The following CCDC3 variants were observed in gnomAD, a reference collection of about 807,000 sequenced individuals.
The protein encoded by CCDC3 is coiled-coil domain containing 3.
In CCDC3, 24 loss-of-function variants were observed where a neutral mutation model predicts 21.4. That is an observed-to-expected ratio of 1.12 (90% confidence interval 0.81 to 1.58). The LOEUF (loss-of-function observed/expected upper bound fraction) is 1.58, where lower values mean the gene tolerates loss of function less well. Among genes scored for constraint, CCDC3 ranks in the 40% most tolerant of loss-of-function variants. The pLI, the probability that CCDC3 is intolerant of heterozygous loss-of-function variation, is 0.00. For missense variants in CCDC3, 425 were observed against 360.9 expected, an observed-to-expected ratio of 1.18 and a Z score of -1.44; for synonymous variants, 186 against 166.0, an observed-to-expected ratio of 1.12 and a Z score of -0.93.
rs192946721 is a variant in CCDC3, at chr10:13,048,265, C to T, written c.-2+1409G>A. 2.5e-3 allele frequency among the ~76,000 whole-genome samples: 383 copies of T among 152,220 alleles called. 2 individuals carry two copies. The highest frequency in any genetic ancestry group is 8.8e-3 in the African/African-American group (366 of 41,534). On this transcript the variant is annotated intron_variant, in intron 5 of 6. Coordinates refer to the CCDC3 transcript ENST00000378839. ...GGAGTGCAGTGGCGCGATCTCAGCT[C>T]ACTGCAGCCTCTGCCTCCCAGGTTC... is the stretch of plus-strand genomic sequence containing the variant.
intron 2 of CCDC3, among the ~76,000 whole-genome samples, chr10:12,981,647 C>T (rs1420808276): frequency 2.6e-5 from 4 of 152,136 alleles, no homozygotes; most frequent in African/African-American, 9.7e-5. Flanking sequence ...AGAACTTTCT[C>T]CTGCTGACTG....
At chr10:13,015,621 G>A (rs1328084115) in intron 5 of CCDC3, among the ~76,000 whole-genome samples, 1 of 151,980 alleles carries the variant, frequency 6.6e-6, no homozygotes, top group Non-Finnish European at 1.5e-5. Flanking sequence ...GCTGCAATTC[G>A]GACCCATTAA....
intron 4 of CCDC3, among the ~76,000 whole-genome samples, chr10:13,057,323 G>A (rs1044264409): frequency 8.6e-5 from 13 of 151,910 alleles, no homozygotes; most frequent in Non-Finnish European, 1.5e-4. Flanking sequence ...AAAATAATGA[G>A]GGGACAAGAA....
At chr10:12,941,396 T>A (rs1775990376) in intron 2 of CCDC3, among the ~76,000 whole-genome samples, 2 of 152,342 alleles carry the variant, frequency 1.3e-5, no homozygotes, top group East Asian at 1.9e-4. Context: ...TCTTGTACTT[T>A]CTTTCATTTT....
At chr10:12,964,053 T>C (rs1177376521) in intron 2 of CCDC3, among the ~76,000 whole-genome samples, 1 of 152,084 alleles carries the variant, frequency 6.6e-6, no homozygotes, top group Non-Finnish European at 1.5e-5. Context: ...TTGCTGGTTG[T>C]GGAGAGGGAG....
rs1834009410 is a variant in CCDC3 at position 12,896,873 on chromosome 10, T to C, written c.*1543A>G. 6.6e-6 allele frequency: 1 copy of C among 152,136 alleles called. No individual in the cohort carries two copies. Among genetic ancestry groups the C allele is most frequent in the African/African-American group, 2.4e-5 (1 of 41,268 alleles). The allele number at this position is 152,136 out of a possible 1,614,324, so 9.4% of individuals were successfully genotyped here. A position where few individuals can be genotyped will look rare whatever the true frequency, so the allele number is the denominator to read the frequency against. On this transcript the variant is annotated 3_prime_UTR_variant, in exon 3 of 3. Transcript: ENST00000378825. ...GGTGGCAGAAGCTTGGCCGTGTGAG[T>C]GCCCCAGGGTAAAAGTCTCTCTTCT...
chr10:13,006,619 AG>A (rs1835926902), upstream of CCDC3, among the ~76,000 whole-genome samples: 1 of 152,194 alleles, frequency 6.6e-6, no homozygotes, highest in Admixed American at 6.5e-5. Context: ...CAACAATAAA[AG>A]CCATCACCCA....
At chr10:12,946,942 C>G (rs11258073) in intron 2 of CCDC3, among the ~76,000 whole-genome samples, 3 of 151,978 alleles carry the variant, frequency 2.0e-5, no homozygotes, top group Non-Finnish European at 4.4e-5. Context: ...AGGATGGAAG[C>G]CAAGAAGAAA....
chr10:12,960,899 A>C (rs1835170174), intron 2 of CCDC3, among the ~76,000 whole-genome samples: 1 of 152,114 alleles, frequency 6.6e-6, no homozygotes, highest in African/African-American at 2.4e-5. Flanking sequence ...TTCTGCACAA[A>C]CGTAGGGATG....
At position 13,025,882 on chromosome 10, in the gene CCDC3, T is replaced by TCTTTTTTAAAAAA. The variant is rs1564324631; in HGVS notation, c.-2+23779_-2+23791dup. On this transcript the variant is annotated intron_variant, in intron 5 of 6. Transcript: ENST00000378839. ...ATATCATCCCTCTTCCTGACAAATATCTTTTTTAAAAAACTCACCCGGGCA... is the reference window on the plus strand; with the variant it reads ...ATATCATCCCTCTTCCTGACAAATATCTTTTTTAAAAAACTTTTTTAAAAAACTCACCCGGGCA... Among the ~76,000 whole-genome samples the TCTTTTTTAAAAAA allele has an allele frequency of 2.6e-5, 4 of 152,268 alleles. No homozygotes were observed. In the East Asian group the frequency reaches 7.7e-4, roughly 29 times the overall value.
chr10:13,068,935 G>T (rs544922323), intron 4 of CCDC3, among the ~76,000 whole-genome samples: 2 of 152,336 alleles, frequency 1.3e-5, no homozygotes, highest in South Asian at 4.1e-4. Flanking sequence ...AAAGCTGAAG[G>T]TTTAATCAAA....
intron 2 of CCDC3, among the ~76,000 whole-genome samples, chr10:12,973,000 T>C (rs915482146): frequency 6.6e-6 from 1 of 152,142 alleles, no homozygotes; most frequent in Non-Finnish European, 1.5e-5. Context: ...TGTTTCCTCA[T>C]CTGCAAAATG....
chr10:12,955,900 G>A (rs1366853051), intron 2 of CCDC3, among the ~76,000 whole-genome samples: 2 of 152,088 alleles, frequency 1.3e-5, no homozygotes, highest in East Asian at 3.9e-4. Context: ...GTAGAGATGG[G>A]TTTCACCATG....
chr10:12,944,113 C>T (rs965945741), intron 2 of CCDC3, among the ~76,000 whole-genome samples: 2 of 152,170 alleles, frequency 1.3e-5, no homozygotes, highest in Non-Finnish European at 2.9e-5. Context: ...TGACAGATAA[C>T]AGGCCCTGAA....
chr10:12,907,224 C>T (rs1456403948), intron 2 of CCDC3, among the ~76,000 whole-genome samples: 1 of 152,194 alleles, frequency 6.6e-6, no homozygotes, highest in African/African-American at 2.4e-5. Flanking sequence ...TGAAGGGATG[C>T]AGGTTGAAAT....
chr10:13,058,264 C>G, intron 4 of CCDC3: 1 of 1,377,564 alleles, frequency 7.3e-7, no homozygotes, highest in Non-Finnish European at 1.0e-6. Context: ...AGGCACCTGG[C>G]TGACCATCAA....
chr10:13,078,660 C>A (rs1473129464), intron 3 of CCDC3, among the ~76,000 whole-genome samples: 4 of 152,214 alleles, frequency 2.6e-5, no homozygotes, highest in Admixed American at 2.6e-4. Flanking sequence ...CACATATACA[C>A]CCTGGAATAC....
chr10:12,993,492 T>G (rs1835708912), intron 2 of CCDC3, among the ~76,000 whole-genome samples: 1 of 152,206 alleles, frequency 6.6e-6, no homozygotes, highest in African/African-American at 2.4e-5. Context: ...TTCCATGACA[T>G]TTTATGACAG....
At chr10:13,066,051 G>C (rs1004994115) in intron 4 of CCDC3, among the ~76,000 whole-genome samples, 2 of 152,158 alleles carry the variant, frequency 1.3e-5, no homozygotes, top group Non-Finnish European at 2.9e-5. Flanking sequence ...TTCTGCATCA[G>C]AATCATCTGA....
Sources: allele counts gnomAD v4.1 joint callset (sites outside exome capture counted in the v4.1 genomes callset), GRCh38; gene constraint gnomAD v4.1.1; transcripts MANE v1.5; gene names NCBI Gene and HGNC (gene_info 2026-07-23, HGNC 2026-07-21).